Variants in KIAA1217 observed in about 807,000 individuals in gnomAD.
KIAA1217 encodes the protein KIAA1217.
A neutral mutation model predicts 163.9 loss-of-function variants in KIAA1217; 88 were observed. That is an observed-to-expected ratio of 0.54 (90% CI 0.45 to 0.64). KIAA1217 has a LOEUF of 0.64. Among genes scored for constraint, KIAA1217 ranks in the 30% least tolerant of loss-of-function variants. The pLI is 0.00. For synonymous variants in KIAA1217, 903 were observed against 923.1 expected (o/e 0.98, Z 0.39); for missense variants, 2,372 against 2,475.0 (o/e 0.96, Z 0.88).
chr10:24,035,949 G>A (rs1196030198), intron 2 of KIAA1217, among the ~76,000 whole-genome samples: 1 of 152,212 alleles, frequency 6.6e-6, no homozygotes, highest in Admixed American at 6.5e-5. Context: ...GGAAGGAGCA[G>A]TCATGCATGA....
chr10:24,170,114 AC>A (rs1233448911), intron 2 of KIAA1217, among the ~76,000 whole-genome samples: 1 of 152,240 alleles, frequency 6.6e-6, no homozygotes, highest in African/African-American at 2.4e-5. Context: ...CATGCTTTAT[AC>A]AAAAACTCAT....
intron 2 of KIAA1217, among the ~76,000 whole-genome samples, chr10:24,289,547 G>T (rs1485936882): frequency 1.3e-5 from 2 of 152,160 alleles, no homozygotes; most frequent in African/African-American, 4.8e-5. Context: ...GGAGGAAGTT[G>T]TAGAAGGTTT....
At chr10:24,525,582 T>C (rs1204677456) in intron 13 of KIAA1217, among the ~76,000 whole-genome samples, 2 of 152,126 alleles carry the variant, frequency 1.3e-5, no homozygotes, top group Non-Finnish European at 2.9e-5. Flanking sequence ...ACGTACAGAA[T>C]TGATTGAGGT....
intron 1 of KIAA1217, among the ~76,000 whole-genome samples, chr10:23,705,559 G>T (rs921944261): frequency 5.9e-5 from 9 of 152,042 alleles, no homozygotes; most frequent in Admixed American, 3.3e-4. Context: ...AAATGTGAGG[G>T]TTTATTTATG....
chr10:24,285,687 T>C (rs979364305), intron 2 of KIAA1217, among the ~76,000 whole-genome samples: 5 of 152,246 alleles, frequency 3.3e-5, no homozygotes, highest in African/African-American at 4.8e-5. Flanking sequence ...ATTCATGCTC[T>C]TTTGTGGTTC....
At chr10:24,056,313 G>A (rs2060531603) in intron 2 of KIAA1217, among the ~76,000 whole-genome samples, 1 of 152,080 alleles carries the variant, frequency 6.6e-6, no homozygotes, top group Admixed American at 6.6e-5. Flanking sequence ...GGGTGACAGA[G>A]GGAGGCCCCA....
At chr10:23,882,538 C>A (rs1202556900) in intron 1 of KIAA1217, among the ~76,000 whole-genome samples, 2 of 151,880 alleles carry the variant, frequency 1.3e-5, no homozygotes, top group Non-Finnish European at 2.9e-5. Flanking sequence ...GAAATAGCAC[C>A]TGGGAATAAT....
intron 2 of KIAA1217, among the ~76,000 whole-genome samples, chr10:24,074,701 T>C (rs1564669119): frequency 9.2e-6 from 1 of 108,592 alleles, no homozygotes; most frequent in African/African-American, 3.3e-5. Context: ...CTTCTTCTTC[T>C]TCTTTTTTTT....
intron 2 of KIAA1217, among the ~76,000 whole-genome samples, chr10:24,165,071 A>G (rs1270669008): frequency 6.6e-6 from 1 of 152,204 alleles, no homozygotes; most frequent in African/African-American, 2.4e-5. Context: ...TAACCTGGGG[A>G]AAAGCGAATA....
Position 23,929,061 on chromosome 10 carries a change from G to A in KIAA1217, c.-320-78164G>A, listed in dbSNP as rs188898585. On this transcript the variant is annotated intron_variant, in intron 1 of 18. Transcript: ENST00000376462. ...AGTGTGCCAGGCAAGGCAGAAAGAAGAGGTACAAGATGAGGTGGTTATGCA... is the reference window on the plus strand; with the variant it reads ...AGTGTGCCAGGCAAGGCAGAAAGAAAAGGTACAAGATGAGGTGGTTATGCA... Among the ~76,000 whole-genome samples the A allele has an allele frequency of 5.9e-5, 9 of 152,336 alleles. No homozygotes were observed. In the East Asian group the frequency reaches 1.7e-3, roughly 29 times the overall value.
intron 3 of KIAA1217, among the ~76,000 whole-genome samples, chr10:24,432,646 G>T (rs1249874509): frequency 6.6e-6 from 1 of 151,754 alleles, no homozygotes; most frequent in Non-Finnish European, 1.5e-5. Context: ...AAAGAGATGG[G>T]ATCTTGCTAC....
intron 3 of KIAA1217, among the ~76,000 whole-genome samples, chr10:24,410,610 T>C (rs544616050): frequency 6.6e-6 from 1 of 152,362 alleles, no homozygotes; most frequent in South Asian, 2.1e-4. Context: ...AGGTGTTCTC[T>C]ATCACTTTTC....
chr10:23,727,340 C>A (rs1838219676), intron 1 of KIAA1217, among the ~76,000 whole-genome samples: 1 of 143,182 alleles, frequency 7.0e-6, no homozygotes, highest in Non-Finnish European at 1.5e-5. Context: ...GTGGGTGGAT[C>A]ACCTAAGGCC....
chr10:24,406,048 G>C (rs2057174205), intron 3 of KIAA1217, among the ~76,000 whole-genome samples: 2 of 152,128 alleles, frequency 1.3e-5, no homozygotes. Context: ...GGACAAAACT[G>C]ATTACAAAAT....
intron 1 of KIAA1217, among the ~76,000 whole-genome samples, chr10:23,856,184 T>A (rs1564480650): frequency 6.6e-6 from 1 of 152,134 alleles, no homozygotes; most frequent in Non-Finnish European, 1.5e-5. Context: ...TACAGATGGG[T>A]TTTTGGTGCG....
rs1180945044 is a variant in KIAA1217, at chr10:24,383,750, A to G, written c.553+2683A>G. Among the ~76,000 whole-genome samples, 5 of 152,196 alleles carry G rather than the reference A, an allele frequency of 3.3e-5. No individual in the cohort carries two copies. In the East Asian group the frequency reaches 9.6e-4, roughly 29 times the overall value. On this transcript the variant is annotated intron_variant, in intron 3 of 20. Transcript: ENST00000376454. Reference sequence around the variant, plus strand: ...AGGGAAGCTCTGGTTCCAGAAAATGAGGCTGGCACTGGGCCAGCTGGGTTG... The same window carrying G: ...AGGGAAGCTCTGGTTCCAGAAAATGGGGCTGGCACTGGGCCAGCTGGGTTG...
intron 1 of KIAA1217, among the ~76,000 whole-genome samples, chr10:23,983,076 T>G (rs1845837415): frequency 6.6e-6 from 1 of 151,950 alleles, no homozygotes; most frequent in African/African-American, 2.4e-5. Context: ...GTTCTATGCA[T>G]GGCAGATCAG....
At chr10:23,818,692 G>A (rs1222947799) in intron 1 of KIAA1217, among the ~76,000 whole-genome samples, 2 of 152,124 alleles carry the variant, frequency 1.3e-5, no homozygotes, top group Non-Finnish European at 2.9e-5. Context: ...GAATCAGCAG[G>A]GGAGCATGAA....
chr10:23,761,321 T>G (rs1455664808), intron 1 of KIAA1217, among the ~76,000 whole-genome samples: 3 of 152,316 alleles, frequency 2.0e-5, no homozygotes, highest in Non-Finnish European at 2.9e-5. Flanking sequence ...TGCCATTGCC[T>G]CTCTAGCTCT....
Sources: allele counts gnomAD v4.1 joint callset (sites outside exome capture counted in the v4.1 genomes callset), GRCh38; gene constraint gnomAD v4.1.1; transcripts MANE v1.5; gene names NCBI Gene and HGNC (gene_info 2026-07-23, HGNC 2026-07-21).